Variants in ITPR2 observed in about 807,000 individuals in gnomAD.
The protein encoded by ITPR2 is inositol 1,4,5-trisphosphate-gated calcium channel ITPR2.
In ITPR2, 207 loss-of-function variants were observed where a neutral mutation model predicts 317.1. That is an observed-to-expected ratio of 0.65 (90% CI 0.58 to 0.73). The LOEUF (loss-of-function observed/expected upper bound fraction) is 0.73, where lower values mean the gene tolerates loss of function less well. ITPR2 is among the 30% of genes least tolerant of loss of function. The probability of loss-of-function intolerance (pLI) is 0.00; values close to 1 mark genes in which losing one functional copy is unlikely to be tolerated. For synonymous variants in ITPR2, 1,156 were observed against 1,149.1 expected (o/e 1.01, Z -0.12); for missense variants, 2,613 against 3,284.0 (o/e 0.80, Z 4.99).
intron 45 of ITPR2, among the ~76,000 whole-genome samples, chr12:26,461,407 G>T (rs1463345679): frequency 6.6e-6 from 1 of 151,768 alleles, no homozygotes; most frequent in Non-Finnish European, 1.5e-5. Flanking sequence ...TTAAAATAAA[G>T]ATTTATTTGA....
chr12:26,691,359 G>A (rs756636825), intron 10 of ITPR2, among the ~76,000 whole-genome samples: 7 of 151,984 alleles, frequency 4.6e-5, no homozygotes, highest in Non-Finnish European at 8.8e-5. Context: ...TCCCCACACC[G>A]AATCACAGAA....
At chr12:26,404,705 T>C (rs1340543251) in intron 52 of ITPR2, among the ~76,000 whole-genome samples, 1 of 152,016 alleles carries the variant, frequency 6.6e-6, no homozygotes, top group Admixed American at 6.6e-5. Flanking sequence ...CAGAGGAAGG[T>C]TGAATTGGGA....
intron 9 of ITPR2, among the ~76,000 whole-genome samples, chr12:26,701,988 T>G (rs772719915): frequency 6.6e-6 from 1 of 152,222 alleles, no homozygotes; most frequent in Non-Finnish European, 1.5e-5. Context: ...CATCAGATCA[T>G]AAACTGTGAA....
At chr12:26,506,703 T>C (rs1943196215) in intron 37 of ITPR2, among the ~76,000 whole-genome samples, 1 of 152,110 alleles carries the variant, frequency 6.6e-6, no homozygotes, top group African/African-American at 2.4e-5. Flanking sequence ...AAATGTAGCC[T>C]AATGCAAGAG....
At chr12:26,430,690 A>G (rs1217906964) in intron 48 of ITPR2, among the ~76,000 whole-genome samples, 1 of 152,224 alleles carries the variant, frequency 6.6e-6, no homozygotes, top group African/African-American at 2.4e-5. Context: ...TTAATAATAC[A>G]AAAAGTTTTA....
At position 26,340,221 on chromosome 12, in the gene ITPR2, C is replaced by G; in HGVS notation, c.7965G>C (p.Ser2655=). The change falls in exon 56 of 57, where the codon TCG becomes TCC. Residue 2655 remains serine (S), a synonymous_variant. Coordinates refer to ENST00000381340, the MANE Select transcript of ITPR2 (RefSeq NM_002223.4). The part of the protein sequence containing the change: ...EIRSLQEKLE[S]TMSLVKQLSG... ...ACAGCTGTTTGACCAGACTCATGGT[C>G]GATTCCAACTTCTCCTGAAGGCTCC... 6.2e-7 allele frequency: 1 copy of G among 1,610,182 alleles called. No homozygotes were observed. The highest frequency in any genetic ancestry group is 2.2e-5 in the East Asian group (1 of 44,668).
chr12:26,608,545 G>GA (rs1030668737), intron 26 of ITPR2, among the ~76,000 whole-genome samples: 1 of 151,724 alleles, frequency 6.6e-6, no homozygotes, highest in Non-Finnish European at 1.5e-5. Flanking sequence ...GCTGGGAAGA[G>GA]AGGAGCGCCT....
chr12:26,653,777 T>C (rs1181177043), intron 21 of ITPR2, among the ~76,000 whole-genome samples, 199 bp downstream of exon 21: 1 of 152,228 alleles, frequency 6.6e-6, no homozygotes, highest in Non-Finnish European at 1.5e-5. Context: ...TGAATTCATC[T>C]TTCAAAGCTT....
At chr12:26,565,753 T>C (rs1455154495) in intron 34 of ITPR2, among the ~76,000 whole-genome samples, 1 of 149,728 alleles carries the variant, frequency 6.7e-6, no homozygotes, top group Non-Finnish European at 1.5e-5. Flanking sequence ...TAGTACACTG[T>C]GATGCGAATA....
rs532900648 is a variant in ITPR2, at chr12:26,562,780, G to C, written c.4631-828C>G. The stretch of plus-strand genomic sequence containing the variant: ...AGGGCCTGTTGAGGGGTGGGGGAAG[G>C]GGGGGAGGGATAGCATTAGGAGATA... On this transcript the variant is annotated intron_variant, in intron 34 of 56. Coordinates refer to ENST00000381340, the MANE Select transcript of ITPR2 (RefSeq NM_002223.4). Among the ~76,000 whole-genome samples the C allele has an allele frequency of 2.0e-3, 299 of 151,968 alleles. 1 individual carries two copies. Among genetic ancestry groups the C allele is most frequent in the Non-Finnish European group, 2.8e-3 (191 of 67,962 alleles).
At chr12:26,516,379 A>AAGGAAAGGAAAG (rs1943518904) in intron 37 of ITPR2, among the ~76,000 whole-genome samples, 2 of 151,522 alleles carry the variant, frequency 1.3e-5, no homozygotes, top group South Asian at 2.1e-4. Context: ...AAGCTGAGGA[A>AAGGAAAGGAAAG]CTACTGTTAT....
intron 2 of ITPR2, among the ~76,000 whole-genome samples, chr12:26,778,357 C>A (rs543831171): frequency 6.6e-6 from 1 of 152,314 alleles, no homozygotes; most frequent in African/African-American, 2.4e-5. Flanking sequence ...CCTATCTGGC[C>A]TGTGCAGAAG....
chr12:26,679,673 TTTTC>T (rs1170674101), intron 13 of ITPR2, among the ~76,000 whole-genome samples: 1 of 152,178 alleles, frequency 6.6e-6, no homozygotes, highest in African/African-American at 2.4e-5. Flanking sequence ...TTGTGTCTAG[TTTTC>T]TTTTTTATTT....
At chr12:26,418,596 A>G (rs1378548846) in intron 50 of ITPR2, among the ~76,000 whole-genome samples, 4 of 152,194 alleles carry the variant, frequency 2.6e-5, no homozygotes, top group Non-Finnish European at 5.9e-5. Context: ...CTTTGCTATG[A>G]TGGTTTTTTT....
At chr12:26,407,430 C>A (rs1940389001) in intron 52 of ITPR2, among the ~76,000 whole-genome samples, 2 of 152,154 alleles carry the variant, frequency 1.3e-5, no homozygotes, top group African/African-American at 2.4e-5. Flanking sequence ...GCTAGTAGCA[C>A]CCCATCCCAG....
At chr12:26,597,258 G>C (rs1202377906) in intron 30 of ITPR2, 124 bp from the exon 31 acceptor site, 7 of 1,078,582 alleles carry the variant, frequency 6.5e-6, no homozygotes, top group Non-Finnish European at 9.6e-6. Context: ...ATACGGCAAA[G>C]ACAGAGCTAT....
intron 45 of ITPR2, among the ~76,000 whole-genome samples, chr12:26,446,603 T>G (rs1941613793): frequency 6.6e-6 from 1 of 152,018 alleles, no homozygotes; most frequent in Admixed American, 6.6e-5. Flanking sequence ...CAAATCATTT[T>G]CAGTTAATAT....
At chr12:26,736,994 G>GTGGGA (rs1449376386) in intron 2 of ITPR2, among the ~76,000 whole-genome samples, 1 of 152,218 alleles carries the variant, frequency 6.6e-6, no homozygotes, top group Non-Finnish European at 1.5e-5. Context: ...ATCCCACTTT[G>GTGGGA]TGTAGCTAAA....
chr12:26,790,809 T>C (rs567131835), intron 1 of ITPR2, among the ~76,000 whole-genome samples: 5 of 152,208 alleles, frequency 3.3e-5, no homozygotes, highest in Non-Finnish European at 5.9e-5. Context: ...CTGGCCTGCA[T>C]TCAATCTCTG....
Sources: gnomAD v4.1 joint callset for allele counts (sites outside exome capture counted in the v4.1 genomes callset) on GRCh38, gnomAD v4.1.1 for gene constraint, MANE v1.5 for transcripts, NCBI Gene and HGNC (gene_info 2026-07-23, HGNC 2026-07-21) for gene names.